BRAP: variants seen among roughly 807,000 people sequenced by gnomAD.
BRAP encodes the protein BRCA1-associated protein.
Under a neutral mutation model 73.4 loss-of-function variants are expected in BRAP, and 42 were observed. The ratio of observed to expected loss-of-function variants is 0.57; its 90% CI spans 0.45 to 0.74. The LOEUF is 0.74. Ranked by LOEUF, BRAP falls within the 30% of genes least tolerant of loss-of-function variation. BRAP has a pLI of 0.00. For synonymous variants in BRAP, 255 were observed against 267.4 expected, an observed-to-expected ratio of 0.95 and a Z score of 0.45; for missense variants, 593 against 751.4, an observed-to-expected ratio of 0.79 and a Z score of 2.46.
At chr12:111,685,673 C>T in intron 1 of BRAP, 38 bp downstream of exon 1, 1 of 1,582,630 alleles carries the variant, frequency 6.3e-7, no homozygotes. Context: ...CGGGCCCAGA[C>T]CCGGCTACAG....
rs143327384 is a variant in BRAP, at chr12:111,644,715, C to T, written c.1416-153G>A. On this transcript the variant is annotated intron_variant, in intron 11 of 11. Coordinates refer to ENST00000419234, the MANE Select transcript of BRAP (RefSeq NM_006768.5). ...GTGAGGGAGAATGGTTTTCTGCCAT[C>T]GCAATCAGCTATGCAAAGCAAGAAT... Among the ~76,000 whole-genome samples, 1,223 of 152,286 alleles carry T rather than the reference C, an allele frequency of 8.0e-3. 6 individuals are homozygous for T. The highest frequency in any genetic ancestry group is 0.014 in the Non-Finnish European group (920 of 68,024).
chr12:111,684,962 C>A (rs1887753173), intron 1 of BRAP, among the ~76,000 whole-genome samples: 1 of 152,202 alleles, frequency 6.6e-6, no homozygotes, highest in Admixed American at 6.5e-5. Flanking sequence ...AGCCACCGCG[C>A]CCGGCCAAGT....
chr12:111,667,719 A>AAAAAAAAAAAAAAAAAAC (rs1887006543), intron 5 of BRAP, among the ~76,000 whole-genome samples: 1 of 148,340 alleles, frequency 6.7e-6, no homozygotes, highest in African/African-American at 2.5e-5. Flanking sequence ...AAAAAAAAAA[A>AAAAAAAAAAAAAAAAAAC]AAGCTCATAC....
At chr12:111,659,100 C>A in intron 8 of BRAP, 107 bp downstream of exon 8, 1 of 1,386,540 alleles carries the variant, frequency 7.2e-7, no homozygotes, top group Admixed American at 2.2e-5. Flanking sequence ...GGGTTTGCAA[C>A]AGCTGTCAAA....
rs893014408 is a variant in BRAP at position 111,643,923 on chromosome 12, T to G, written c.*276A>C. ...TACAATGGAAAAATGCACAGCAGAG[T>G]TGGGGCTTCTACCAAGCAGGAAGGC... is the stretch of plus-strand genomic sequence containing the variant. On this transcript the variant is annotated 3_prime_UTR_variant, in exon 12 of 12. Transcript: ENST00000419234. 1 of 408,318 alleles carries G rather than the reference T, an allele frequency of 2.4e-6. No individual in the cohort carries two copies. The highest frequency in any genetic ancestry group is 4.4e-6 in the Non-Finnish European group (1 of 227,906). 25.3% of individuals were successfully genotyped at this position (408,318 alleles called of 1,614,324 possible).
intron 4 of BRAP, among the ~76,000 whole-genome samples, chr12:111,675,771 C>T (rs150872370): frequency 2.6e-5 from 4 of 152,164 alleles, no homozygotes; most frequent in East Asian, 1.9e-4. Flanking sequence ...AGTTCCTTCG[C>T]TGTCACAGGA....
In BRAP at chr12:111,679,141, T is replaced by C. The variant is rs202241773; in HGVS notation, c.633+10A>G. 797 of 1,471,990 alleles carry C rather than the reference T, an allele frequency of 5.4e-4. 1 individual carries two copies. The highest frequency in any genetic ancestry group is 2.9e-4 in the Non-Finnish European group (316 of 1,099,520). The allele number at this position is 1,471,990 out of a possible 1,614,324, so 91.2% of individuals were successfully genotyped here. A position where few individuals can be genotyped will look rare whatever the true frequency, so the allele number is the denominator to read the frequency against. ...GCAAAGAGATTTTTAATAAATTTAA[T>C]AACTTTTACCTGTGCACGAAACTTT... On this transcript the variant is annotated intron_variant, in intron 4 of 11. Coordinates refer to ENST00000419234, the MANE Select transcript of BRAP (RefSeq NM_006768.5).
rs777943971 is a variant in BRAP at position 111,683,315 on chromosome 12, A to T, written c.83-8T>A. ...CATCAGACATTTCCCCGGCTAAAGA[A>T]CACATGAATGATTAATACAAGGTAA... is the stretch of plus-strand genomic sequence containing the variant. On this transcript the variant is annotated splice_polypyrimidine_tract_variant and splice_region_variant and intron_variant, in intron 1 of 11. Coordinates refer to ENST00000419234, the MANE Select transcript of BRAP (RefSeq NM_006768.5). 8 of 1,606,824 alleles carry T rather than the reference A, an allele frequency of 5.0e-6. No homozygotes were observed. In the Admixed American group the frequency reaches 1.4e-4, roughly 28 times the overall value.
In BRAP at chr12:111,684,761, C is replaced by T. The variant is rs549048609; in HGVS notation, c.82+950G>A. Among the ~76,000 whole-genome samples, 27 of 152,070 alleles carry T rather than the reference C, an allele frequency of 1.8e-4. No individual in the cohort carries two copies. The East Asian group carries it at 4.4e-3, about 25-fold the overall frequency. ...TTGGCTCACCGCAACCTCCACCTCC[C>T]GGGTTCAAGCGATTCTCCTGCCTCA... On this transcript the variant is annotated intron_variant, in intron 1 of 11. Transcript: ENST00000419234.
At chr12:111,677,278 C>A (rs886442767) in intron 4 of BRAP, among the ~76,000 whole-genome samples, 1 of 152,124 alleles carries the variant, frequency 6.6e-6, no homozygotes, top group African/African-American at 2.4e-5. Context: ...TGGGTCTTTT[C>A]CTTTGTTACT....
chr12:111,681,870 G>C (rs1041929887), intron 2 of BRAP, 35 bp from the exon 3 acceptor site: 1 of 1,562,306 alleles, frequency 6.4e-7, no homozygotes, highest in African/African-American at 1.4e-5. Context: ...ATTATAAATG[G>C]ATAGGACATA....
chr12:111,683,055 G>T, intron 2 of BRAP, 91 bp downstream of exon 2: 1 of 1,394,482 alleles, frequency 7.2e-7, no homozygotes, highest in South Asian at 1.4e-5. Flanking sequence ...TATGCTAGAT[G>T]TTGAAATTGT....
At chr12:111,685,469 A>T in intron 1 of BRAP, 1 of 863,736 alleles carries the variant, frequency 1.2e-6, no homozygotes. Flanking sequence ...GAGACGCGCC[A>T]GGTATAAACT....
intron 2 of BRAP, among the ~76,000 whole-genome samples, chr12:111,682,920 C>A (rs748633239): frequency 1.3e-5 from 2 of 151,662 alleles, no homozygotes; most frequent in African/African-American, 2.4e-5. Flanking sequence ...AAAAAAAAGT[C>A]CCCCCCGTCA....
intron 3 of BRAP, among the ~76,000 whole-genome samples, chr12:111,679,583 C>T: frequency 6.6e-6 from 1 of 152,074 alleles, no homozygotes; most frequent in Non-Finnish European, 1.5e-5. Flanking sequence ...GAATAATAAT[C>T]TGTCACTGGT....
chr12:111,681,722 T>C lies in BRAP; in HGVS notation c.358A>G (p.Lys120Glu). 1 of 1,614,186 alleles carries C rather than the reference T, an allele frequency of 6.2e-7. No homozygotes were observed. The highest frequency in any genetic ancestry group is 1.1e-5 in the South Asian group (1 of 91,084). ...CINAAPDSPS[K>E]QLPDQISFFS... ...AATGAAATCTGGTCTGGAAGCTGTTTGGACGGAGAATCTGGGGCAGCGTTT... is the reference window on the plus strand; with the variant it reads ...AATGAAATCTGGTCTGGAAGCTGTTCGGACGGAGAATCTGGGGCAGCGTTT... Residue 120 changes from lysine (K) to glutamate (E), a missense_variant, in exon 3 of 12, where the codon AAA (lysine) becomes GAA (glutamate). Physicochemically the swap from Lys to Glu is moderately conservative, Grantham distance 56. This residue lies in a region of BRAP where 304 missense variants were observed against 337.7 expected (regional missense o/e 0.90). Transcript: ENST00000419234.
rs542394849 is a variant in BRAP, at chr12:111,676,825, C to G, written c.633+2326G>C. ...GTTGGTAGCTACTGAGCCTATTATT[C>G]TCACTACAGCCGATATTAGTTTAAC... is the stretch of plus-strand genomic sequence containing the variant. On this transcript the variant is annotated intron_variant, in intron 4 of 11. Transcript: ENST00000419234. 2.0e-5 allele frequency among the ~76,000 whole-genome samples: 3 copies of G among 152,292 alleles called. No homozygotes were observed. In the East Asian group the frequency reaches 5.8e-4, roughly 29 times the overall value.
intron 1 of BRAP, 47 bp from the exon 2 acceptor site, chr12:111,683,354 T>A (rs540771757): frequency 5.2e-6 from 8 of 1,540,924 alleles, no homozygotes; most frequent in Non-Finnish European, 7.0e-6. Context: ...AACAAGCTCC[T>A]CTCTGTTCTC....
At position 111,644,274 on chromosome 12, in the gene BRAP, C is replaced by G. The variant is rs759890176; in HGVS notation, c.1704G>C (p.Ser568=). Reference sequence around the variant, plus strand: ...CCCCCGAAGAGGCAGGGCTCGAGGCCGAGGCCATGGCGATGTTGATCTGTC... The same window carrying G: ...CCCCCGAAGAGGCAGGGCTCGAGGCGGAGGCCATGGCGATGTTGATCTGTC... ...QEGQINIAMA[S]ASSPASSGGS... is the part of the protein sequence containing the mutation. Residue 568 remains serine, a synonymous_variant, in exon 12 of 12, where the codon TCG becomes TCC. Transcript: ENST00000419234. The G allele has an allele frequency of 3.1e-6, 5 of 1,614,122 alleles. No individual in the cohort carries two copies. In the Admixed American group the frequency reaches 8.3e-5, roughly 27 times the overall value.
Sources: allele counts gnomAD v4.1 joint callset (sites outside exome capture counted in the v4.1 genomes callset), GRCh38; gene constraint gnomAD v4.1.1; regional missense constraint gnomAD v4.1.1; transcripts MANE v1.5; gene names NCBI Gene and HGNC (gene_info 2026-07-23, HGNC 2026-07-21).